The following GBF1 variants were observed in gnomAD, a reference collection of about 807,000 sequenced individuals.
GBF1 encodes the protein Golgi-specific brefeldin A-resistance guanine nucleotide exchange factor 1.
GBF1 carries 114 observed loss-of-function variants against 210.5 expected under a neutral mutation model. That is an observed-to-expected ratio of 0.54 (90% CI 0.47 to 0.63). The LOEUF (loss-of-function observed/expected upper bound fraction) is 0.63, where lower values mean the gene tolerates loss of function less well. Among genes scored for constraint, GBF1 ranks in the 30% least tolerant of loss-of-function variants. The probability of loss-of-function intolerance (pLI) is 0.00; values close to 1 mark genes in which losing one functional copy is unlikely to be tolerated. For synonymous variants in GBF1, 850 were observed against 889.2 expected, an observed-to-expected ratio of 0.96 and a Z score of 0.78; for missense variants, 1,851 against 2,357.7, an observed-to-expected ratio of 0.79 and a Z score of 4.45.
chr10:102,375,429 C>T lies in GBF1; in HGVS notation c.3731C>T (p.Ala1244Val), dbSNP rs370231074. 12 of 1,613,576 alleles carry T rather than the reference C, an allele frequency of 7.4e-6. No individual in the cohort carries two copies. The highest frequency in any genetic ancestry group is 1.6e-4 in the Middle Eastern group (1 of 6,082). The change falls in exon 30 of 40, where the codon GCG (alanine) becomes GTG (valine). Residue 1244 changes from alanine to valine, a missense_variant. Ala to Val is a moderately conservative substitution (Grantham distance 64). This residue lies in a region of GBF1 where 967 missense variants were observed against 1,247.7 expected (regional missense o/e 0.78). Transcript: ENST00000369983. ...CTATCCCGAGTCAGCCACCAGGTTG[C>T]GTATGGGCTCCATGAACTCCTGAAG... ...SVLSRVSHQV[A>V]YGLHELLKTN...
At chr10:102,344,812 A>G (rs10748820) in intron 4 of GBF1, among the ~76,000 whole-genome samples, 151,684 of 152,256 alleles carry the variant, frequency 1, 75,565 homozygotes, top group Middle Eastern at 1. Flanking sequence ...TATTTTTTCA[A>G]ACATAATGCA....
upstream of GBF1, among the ~76,000 whole-genome samples, chr10:102,241,080 C>G (rs149691625): frequency 2.6e-5 from 4 of 152,146 alleles, no homozygotes; most frequent in Admixed American, 2.6e-4. This position sits in a 1 kb window ranked among gnomAD's most constrained non-coding sequence, Gnocchi z 6.7. Context: ...CTCGCGAAGC[C>G]CCTATCCTGG....
At chr10:102,299,741 G>A (rs142987317) in intron 3 of GBF1, among the ~76,000 whole-genome samples, 1 of 152,046 alleles carries the variant, frequency 6.6e-6, no homozygotes, top group Admixed American at 6.6e-5. Context: ...CCAAGATCAC[G>A]CTGTTGCACT....
chr10:102,351,415 G>A (rs2058966201), intron 5 of GBF1, 41 bp downstream of exon 5: 5 of 1,057,878 alleles, frequency 4.7e-6, no homozygotes, highest in Non-Finnish European at 5.9e-6. Context: ...ATGGCCAGGG[G>A]CTGGTGCCGC....
chr10:102,379,603 T>G lies in GBF1; in HGVS notation c.4728T>G (p.His1576Gln). Residue 1576 changes from histidine to glutamine, a missense_variant, in exon 35 of 40, where the codon CAT becomes CAG. Transcript: ENST00000369983. ...ATCTGCAGCGAGCACTACTTGTACA[T>G]GATCTGCAAAAGCTAGATGCCCTGG... ...LTYLQRALLV[H>Q]DLQKLDALEW... 1.2e-6 allele frequency: 2 copies of G among 1,614,106 alleles called. No homozygotes were observed. Among genetic ancestry groups the G allele is most frequent in the South Asian group, 2.2e-5 (2 of 91,082 alleles).
chr10:102,244,303 G>A (rs1427990727), upstream of GBF1, among the ~76,000 whole-genome samples: 2 of 152,166 alleles, frequency 1.3e-5, no homozygotes, highest in Admixed American at 6.6e-5. Flanking sequence ...GAAAGAATTA[G>A]GTATTTTTTT....
chr10:102,322,166 C>T (rs567232122), intron 3 of GBF1, among the ~76,000 whole-genome samples: 1 of 152,314 alleles, frequency 6.6e-6, no homozygotes, highest in South Asian at 2.1e-4. Flanking sequence ...TGCCTGGCCT[C>T]ATTAGTTGTT....
At chr10:102,377,785 G>A (rs1193373556) in intron 33 of GBF1, among the ~76,000 whole-genome samples, 1 of 152,180 alleles carries the variant, frequency 6.6e-6, no homozygotes, top group African/African-American at 2.4e-5. Flanking sequence ...ACTAGAGGCA[G>A]CCACTGTCAC....
intron 3 of GBF1, among the ~76,000 whole-genome samples, chr10:102,326,621 G>T (rs1426400328): frequency 6.6e-6 from 1 of 152,134 alleles, no homozygotes; most frequent in Admixed American, 6.6e-5. Context: ...TAACCAGCAT[G>T]AATAAAGAAT....
In GBF1 at chr10:102,308,201, TAA is replaced by T. The variant is rs11440668; in HGVS notation, c.164-35833_164-35832del. 2.4e-5 allele frequency among the ~76,000 whole-genome samples: 3 copies of T among 123,438 alleles called. No individual in the cohort carries two copies. In the South Asian group the frequency reaches 8.7e-4, roughly 36 times the overall value. The allele number at this position is 123,438 out of a possible 152,430, so 81.0% of individuals were successfully genotyped here. ...TTATAGCAGTGTTGTTCACAGAAGC[TAA>T]AAAAAAAAAAAAAAAAGAGGAAACT... On this transcript the variant is annotated intron_variant, in intron 3 of 39. Transcript: ENST00000369983.
intron 3 of GBF1, among the ~76,000 whole-genome samples, chr10:102,261,712 C>G (rs1027451126): frequency 6.7e-6 from 1 of 150,324 alleles, no homozygotes; most frequent in Non-Finnish European, 1.5e-5. Flanking sequence ...ACTTCCGTCT[C>G]CCAGATTCAA....
Position 102,363,600 on chromosome 10 carries a change from T to C in GBF1, c.2018-110T>C. ...GTGGAAGACTGGTGAGGACAAGATT[T>C]CTGAGGCTCCTTCTTGAAACTGGGG... On this transcript the variant is annotated intron_variant, in intron 16 of 39. Transcript: ENST00000369983. The surrounding 1 kb of genome is among the most constrained non-coding windows in gnomAD (Gnocchi z 4.2). 1.2e-6 allele frequency: 1 copy of C among 841,488 alleles called. No homozygotes were observed. The highest frequency in any genetic ancestry group is 2.0e-6 in the Non-Finnish European group (1 of 502,568). 52.1% of individuals were successfully genotyped at this position (841,488 alleles called of 1,614,324 possible).
intron 1 of GBF1, among the ~76,000 whole-genome samples, chr10:102,251,941 G>A (rs2071590925): frequency 1.3e-5 from 2 of 152,244 alleles, no homozygotes; most frequent in Admixed American, 6.5e-5. Flanking sequence ...TTGAGAGGCC[G>A]AGGCAGGCAG....
At chr10:102,318,148 C>T (rs1257865020) in intron 3 of GBF1, among the ~76,000 whole-genome samples, 5 of 152,012 alleles carry the variant, frequency 3.3e-5, no homozygotes, top group South Asian at 4.1e-4. Context: ...CGCCCGGCCT[C>T]GGCCTCCCAA....
intron 29 of GBF1, among the ~76,000 whole-genome samples, chr10:102,371,859 G>A (rs753521734): frequency 1.3e-4 from 20 of 151,876 alleles, no homozygotes; most frequent in Admixed American, 2.0e-4. Context: ...AACTCAAGGC[G>A]GAGGTTGCAG....
chr10:102,351,710 C>G, intron 5 of GBF1, 133 bp from the exon 6 acceptor site: 1 of 638,790 alleles, frequency 1.6e-6, no homozygotes, highest in Non-Finnish European at 2.8e-6. Context: ...AGAAACAATT[C>G]CAAGGACAAG....
intron 3 of GBF1, among the ~76,000 whole-genome samples, chr10:102,338,230 C>A (rs2057906254): frequency 6.8e-6 from 1 of 146,978 alleles, no homozygotes; most frequent in Non-Finnish European, 1.5e-5. Flanking sequence ...ATTCCAACAA[C>A]CTTCTTCTTT....
At chr10:102,260,215 G>A (rs2073013177) in intron 3 of GBF1, 99 bp downstream of exon 3, 1 of 666,398 alleles carries the variant, frequency 1.5e-6, no homozygotes, top group Admixed American at 2.5e-5. Flanking sequence ...GGACTTTATA[G>A]TAAATAATTT....
intron 4 of GBF1, among the ~76,000 whole-genome samples, chr10:102,347,968 G>T (rs942213429): frequency 6.6e-6 from 1 of 151,938 alleles, no homozygotes; most frequent in East Asian, 1.9e-4. Flanking sequence ...GAGACAGTTC[G>T]CTCTGTTGCC....
Sources: allele counts gnomAD v4.1 joint callset (sites outside exome capture counted in the v4.1 genomes callset), GRCh38; gene constraint gnomAD v4.1.1; regional missense constraint gnomAD v4.1.1; non-coding constraint Gnocchi (gnomAD v3.1); transcripts MANE v1.5; gene names NCBI Gene and HGNC (gene_info 2026-07-23, HGNC 2026-07-21).